RAD51B: variants seen among roughly 807,000 people sequenced by gnomAD.
RAD51B encodes the protein RAD51 paralog B, also known as DNA repair protein RAD51 homolog 2.
RAD51B carries 38 observed loss-of-function variants against 42.2 expected under a neutral mutation model. The observed-to-expected ratio is 0.90, with a 90% CI of 0.70 to 1.18. The LOEUF is 1.18. Among genes scored for constraint, RAD51B ranks in the 50% most tolerant of loss-of-function variants. RAD51B has a pLI of 0.00. For synonymous variants in RAD51B, 154 were observed against 145.2 expected (o/e 1.06, Z -0.43); for missense variants, 373 against 400.7 (o/e 0.93, Z 0.59).
intron 10 of RAD51B, among the ~76,000 whole-genome samples, chr14:68,556,871 C>T (rs972970308): frequency 3.9e-5 from 6 of 152,140 alleles, no homozygotes; most frequent in Non-Finnish European, 8.8e-5. Context: ...TACCACCCCA[C>T]CCCACCTTCT....
chr14:68,095,471 AAAG>A (rs1307670473), intron 7 of RAD51B, among the ~76,000 whole-genome samples: 2 of 152,130 alleles, frequency 1.3e-5, no homozygotes, highest in African/African-American at 4.8e-5. Context: ...TATGAAAAAA[AAAG>A]AAGTCTTTCT....
chr14:67,934,629 G>T (rs939907036), intron 7 of RAD51B, among the ~76,000 whole-genome samples: 2 of 151,970 alleles, frequency 1.3e-5, no homozygotes, highest in Non-Finnish European at 2.9e-5. Flanking sequence ...AATAATACAT[G>T]AAATAATACC....
chr14:68,165,218 T>C (rs1952245), intron 7 of RAD51B, among the ~76,000 whole-genome samples: 125,862 of 152,174 alleles, frequency 0.83, 52,264 homozygotes, highest in East Asian at 0.98. Context: ...TTTCAGATGT[T>C]CTTCTGTATG....
intron 7 of RAD51B, among the ~76,000 whole-genome samples, chr14:68,206,788 C>G (rs912731402): frequency 8.0e-6 from 1 of 124,352 alleles, no homozygotes; most frequent in South Asian, 2.6e-4. Flanking sequence ...AACCCCAGTT[C>G]TTTTTTTTTT....
chr14:68,501,637 C>G (rs1283061187), intron 10 of RAD51B, among the ~76,000 whole-genome samples: 1 of 152,232 alleles, frequency 6.6e-6, no homozygotes, highest in Non-Finnish European at 1.5e-5. Flanking sequence ...GATGTTAACC[C>G]CTTGGACTGA....
At chr14:68,545,747 C>T (rs1212414796) in intron 10 of RAD51B, 3 of 414,846 alleles carry the variant, frequency 7.2e-6, no homozygotes, top group African/African-American at 6.1e-5. Context: ...TTGGGATTCA[C>T]AGATGAATAG....
At chr14:67,975,648 A>C (rs1326601291) in intron 7 of RAD51B, among the ~76,000 whole-genome samples, 1 of 152,278 alleles carries the variant, frequency 6.6e-6, no homozygotes, top group Non-Finnish European at 1.5e-5. Flanking sequence ...AAAGTGACGT[A>C]CAGAAAACAA....
intron 7 of RAD51B, among the ~76,000 whole-genome samples, chr14:68,044,842 T>A (rs975398245): frequency 6.6e-6 from 1 of 152,198 alleles, no homozygotes; most frequent in Non-Finnish European, 1.5e-5. Context: ...TTTTACATTT[T>A]GCTTGTTACT....
intron 10 of RAD51B, among the ~76,000 whole-genome samples, chr14:68,588,161 CA>C: frequency 6.6e-6 from 1 of 152,266 alleles, no homozygotes; most frequent in East Asian, 1.9e-4. Flanking sequence ...CTTTGTCACT[CA>C]GTAGTATGTG....
intron 8 of RAD51B, among the ~76,000 whole-genome samples, chr14:68,411,040 T>A (rs764297268): frequency 1.3e-5 from 2 of 152,228 alleles, no homozygotes; most frequent in Non-Finnish European, 2.9e-5. Flanking sequence ...TAAAAATGTC[T>A]AACAACTCTA....
At chr14:68,357,922 T>G (rs1194923006) in intron 8 of RAD51B, among the ~76,000 whole-genome samples, 1 of 152,234 alleles carries the variant, frequency 6.6e-6, no homozygotes, top group Non-Finnish European at 1.5e-5. Context: ...TATGTGACTC[T>G]TCCTTTCACT....
intron 10 of RAD51B, among the ~76,000 whole-genome samples, chr14:68,587,578 T>C (rs1249739087): frequency 1.3e-5 from 2 of 151,892 alleles, no homozygotes; most frequent in Non-Finnish European, 2.9e-5. Flanking sequence ...CCCGTCAGCT[T>C]GTGGGAGAGG....
chr14:68,400,555 C>T (rs551340668), intron 8 of RAD51B, among the ~76,000 whole-genome samples: 1 of 152,254 alleles, frequency 6.6e-6, no homozygotes, highest in South Asian at 2.1e-4. Context: ...CTCTGGTATC[C>T]GCCTGCTGCC....
chr14:68,590,053 C>T (rs937133880), intron 10 of RAD51B, among the ~76,000 whole-genome samples: 3 of 152,212 alleles, frequency 2.0e-5, no homozygotes, highest in African/African-American at 7.2e-5. Context: ...TCCCTGCCTC[C>T]ACCCCACACT....
At chr14:68,035,305 C>T (rs956297896) in intron 7 of RAD51B, among the ~76,000 whole-genome samples, 4 of 151,950 alleles carry the variant, frequency 2.6e-5, no homozygotes, top group Non-Finnish European at 5.9e-5. Context: ...TATGTATATG[C>T]CCAAATACTC....
chr14:67,985,738 C>CAA (rs780250572), intron 7 of RAD51B, among the ~76,000 whole-genome samples: 1 of 134,026 alleles, frequency 7.5e-6, no homozygotes, highest in Non-Finnish European at 1.6e-5. Context: ...CACATCTCTA[C>CAA]AAAAAAAAAA....
rs148118198 is a variant in RAD51B at position 67,950,677 on chromosome 14, C to G, written c.756+63473C>G. ...TTTGGTGCAAGAGGCCTAGTTTTTG[C>G]CCTGATTCAGCTTTTGATACGTCTT... On this transcript the variant is annotated intron_variant, in intron 7 of 10. Transcript: ENST00000471583. Among the ~76,000 whole-genome samples, 1,243 of 152,244 alleles carry G rather than the reference C, an allele frequency of 8.2e-3. 8 individuals carry two copies. Among genetic ancestry groups the G allele is most frequent in the Non-Finnish European group, 0.013 (877 of 68,006 alleles).
In RAD51B at chr14:68,201,613, C is replaced by T. The variant is rs544791001; in HGVS notation, c.757-90271C>T. The stretch of plus-strand genomic sequence containing the variant: ...TAAGTCACCTTTTCATACCATGTTT[C>T]TCCTACCTGTCAAGCGAAGATGCAG... On this transcript the variant is annotated intron_variant, in intron 7 of 10. Transcript: ENST00000471583. Among the ~76,000 whole-genome samples the T allele has an allele frequency of 1.1e-4, 17 of 152,280 alleles. No individual in the cohort carries two copies. The South Asian group carries it at 3.3e-3, about 30-fold the overall frequency.
At chr14:67,975,335 T>C (rs796534164) in intron 7 of RAD51B, among the ~76,000 whole-genome samples, 13 of 152,358 alleles carry the variant, frequency 8.5e-5, no homozygotes, top group African/African-American at 2.9e-4. Context: ...TTTATGCTGC[T>C]GCTTCCCTTA....
Sources: gnomAD v4.1 joint callset for allele counts (sites outside exome capture counted in the v4.1 genomes callset) on GRCh38, gnomAD v4.1.1 for gene constraint, MANE v1.5 for transcripts, NCBI Gene and HGNC (gene_info 2026-07-23, HGNC 2026-07-21) for gene names.